The following ARHGAP39 variants were observed in gnomAD, a reference collection of about 807,000 sequenced individuals.
ARHGAP39 encodes Rho GTPase activating protein 39.
Under a neutral mutation model 106.9 loss-of-function variants are expected in ARHGAP39, and 44 were observed. That is an observed-to-expected ratio of 0.41 (90% CI 0.32 to 0.53). The LOEUF (loss-of-function observed/expected upper bound fraction) is 0.53. Ranked by LOEUF, ARHGAP39 falls within the 20% of genes least tolerant of loss-of-function variation. The pLI is 0.21. For synonymous variants in ARHGAP39, 768 were observed against 693.2 expected, an observed-to-expected ratio of 1.11 and a Z score of -1.69; for missense variants, 1,496 against 1,577.3, an observed-to-expected ratio of 0.95 and a Z score of 0.87.
rs143891078 is a variant in ARHGAP39, at chr8:144,535,955, C to T, written c.2615-1753G>A. ...TGAGGCCACACTACTTCACCTGCAA[C>T]TTCACTCTGGGGGTCAGGCTGCCTG... On this transcript the variant is annotated intron_variant, in intron 7 of 11. Coordinates refer to ENST00000377307, the MANE Select transcript of ARHGAP39 (RefSeq NM_025251.3). Among the ~76,000 whole-genome samples the T allele has an allele frequency of 3.3e-5, 5 of 152,354 alleles. No individual in the cohort carries two copies. In the East Asian group the frequency reaches 9.6e-4, roughly 29 times the overall value.
chr8:144,581,132 TG>T lies in ARHGAP39; in HGVS notation c.225del (p.Asn76ThrfsTer34). On this transcript the variant is annotated frameshift_variant, in exon 3 of 12. Transcript: ENST00000377307. LOFTEE classifies it high-confidence loss of function. ...TTGTAGTAGTAGAAGCGGGACGTGT[TG>T]GGGTCGAACAGCTCCCACCACTGGT... ...SENQWWELFD[P>X]NTSRFYYYNA... The T allele has an allele frequency of 6.3e-7, 1 of 1,589,184 alleles. No homozygotes were observed. Among genetic ancestry groups the T allele is most frequent in the Non-Finnish European group, 8.6e-7 (1 of 1,168,846 alleles).
At chr8:144,544,527 G>A (rs1160103288) in intron 6 of ARHGAP39, among the ~76,000 whole-genome samples, 2 of 152,312 alleles carry the variant, frequency 1.3e-5, no homozygotes, top group South Asian at 2.1e-4. Flanking sequence ...TCAGTTCTGT[G>A]GCTGTGCCCT....
rs139346678 is a variant in ARHGAP39, at chr8:144,667,392, C to T, written c.-82+18294G>A. On this transcript the variant is annotated intron_variant, in intron 1 of 11. Transcript: ENST00000377307. ...GACTGAGGCCCACCTGACCCCACCC[C>T]CTTCCCAATCTCCAGGCCCTCCCTC... Among the ~76,000 whole-genome samples the T allele has an allele frequency of 9.3e-4, 141 of 152,336 alleles. No homozygotes were observed. In the Middle Eastern group the frequency reaches 0.027, roughly 29 times the overall value.
chr8:144,533,441 C>G (rs1816815849), intron 8 of ARHGAP39, 116 bp from the exon 9 acceptor site: 3 of 1,036,778 alleles, frequency 2.9e-6, no homozygotes, highest in African/African-American at 1.6e-5. Flanking sequence ...AATTCCTGCC[C>G]CACACACCTG....
intron 6 of ARHGAP39, among the ~76,000 whole-genome samples, chr8:144,544,563 G>A (rs548150450): frequency 6.6e-6 from 1 of 152,366 alleles, no homozygotes; most frequent in South Asian, 2.1e-4. Flanking sequence ...GTGAGGTGGA[G>A]AGCTGCTTGC....
chr8:144,555,127 C>T (rs1265448393), intron 4 of ARHGAP39, among the ~76,000 whole-genome samples: 1 of 152,254 alleles, frequency 6.6e-6, no homozygotes, highest in African/African-American at 2.4e-5. Context: ...GTCTCCAGAA[C>T]CTTCCAGCAG....
chr8:144,602,093 G>A (rs1486884317), intron 2 of ARHGAP39, among the ~76,000 whole-genome samples: 1 of 146,364 alleles, frequency 6.8e-6, no homozygotes, highest in Non-Finnish European at 1.5e-5. Context: ...GTGGAGGCGT[G>A]TGTGCTCGTG....
chr8:144,582,427 G>C (rs1044826231), intron 2 of ARHGAP39, among the ~76,000 whole-genome samples: 1 of 152,216 alleles, frequency 6.6e-6, no homozygotes, highest in East Asian at 1.9e-4. Flanking sequence ...TGGGGAAGCC[G>C]GGCCCTCACA....
At chr8:144,567,007 C>G (rs1270208010) in intron 3 of ARHGAP39, among the ~76,000 whole-genome samples, 1 of 152,050 alleles carries the variant, frequency 6.6e-6, no homozygotes, top group Non-Finnish European at 1.5e-5. Context: ...TTAACCTACA[C>G]CCAGCAAAAG....
In ARHGAP39 at chr8:144,577,034, G is replaced by A. The variant is rs555350730; in HGVS notation, c.512+3812C>T. 4.2e-4 allele frequency among the ~76,000 whole-genome samples: 64 copies of A among 152,234 alleles called. No homozygotes were observed. The South Asian group carries it at 0.013, about 30-fold the overall frequency. On this transcript the variant is annotated intron_variant, in intron 3 of 11. Transcript: ENST00000377307. ...TTTCCACGGAGCTCCACCTGTACAC[G>A]CCACGAATGTCTTTTATTCCTTAAC... is the stretch of plus-strand genomic sequence containing the variant.
intron 1 of ARHGAP39, among the ~76,000 whole-genome samples, chr8:144,639,766 A>T: frequency 6.6e-6 from 1 of 152,240 alleles, no homozygotes; most frequent in Non-Finnish European, 1.5e-5. Flanking sequence ...GCTGACACAA[A>T]CAGGCCTCTC....
At chr8:144,690,279 A>C (rs1032172321), upstream of ARHGAP39, among the ~76,000 whole-genome samples, 3 of 151,538 alleles carry the variant, frequency 2.0e-5, no homozygotes, top group African/African-American at 4.9e-5. Flanking sequence ...TGCCCAGATA[A>C]TTTTTGTATT....
intron 1 of ARHGAP39, among the ~76,000 whole-genome samples, chr8:144,649,091 A>G (rs1029621212): frequency 3.3e-5 from 5 of 152,266 alleles, no homozygotes; most frequent in African/African-American, 1.2e-4. Context: ...TTAATAAGAT[A>G]GATAGGCCAC....
At chr8:144,688,499 C>T (rs1020101574), upstream of ARHGAP39, among the ~76,000 whole-genome samples, 6 of 152,186 alleles carry the variant, frequency 3.9e-5, no homozygotes, top group African/African-American at 1.2e-4. Context: ...GTAATCCCAT[C>T]GTTTTTCCAG....
upstream of ARHGAP39, among the ~76,000 whole-genome samples, chr8:144,690,601 T>G (rs892438473): frequency 3.3e-5 from 5 of 152,142 alleles, no homozygotes; most frequent in African/African-American, 4.8e-5. Flanking sequence ...TTTGCTCTAC[T>G]TATATTTTCT....
chr8:144,632,541 G>A (rs748721839), intron 1 of ARHGAP39, among the ~76,000 whole-genome samples: 11 of 152,280 alleles, frequency 7.2e-5, no homozygotes, highest in Non-Finnish European at 1.6e-4. Flanking sequence ...GCACCACAGG[G>A]CAGAGCCGGG....
At chr8:144,682,757 T>C (rs193225114) in intron 1 of ARHGAP39, among the ~76,000 whole-genome samples, 140 of 152,262 alleles carry the variant, frequency 9.2e-4, no homozygotes, top group African/African-American at 3.0e-3. Context: ...ATGCCTGTAA[T>C]CCCAATACTT....
intron 3 of ARHGAP39, among the ~76,000 whole-genome samples, chr8:144,579,201 C>CAAAAAAAAAAAAAA (rs541332282): frequency 1.0e-4 from 4 of 39,918 alleles, no homozygotes; most frequent in African/African-American, 2.5e-4. Context: ...GACTCTGTCT[C>CAAAAAAAAAAAAAA]AAAAAAAAAA....
rs988644497 is a variant in ARHGAP39 at position 144,547,605 on chromosome 8, C to T, written c.1481G>A (p.Arg494Gln). 3 of 1,482,770 alleles carry T rather than the reference C, an allele frequency of 2.0e-6. No individual in the cohort carries two copies. The highest frequency in any genetic ancestry group is 2.8e-5 in the African/African-American group (2 of 71,808). 91.9% of individuals were successfully genotyped at this position (1,482,770 alleles called of 1,614,324 possible). The change falls in exon 5 of 12, where the codon CGG becomes CAG. Residue 494 changes from arginine (R) to glutamine (Q), a missense_variant. Arg to Gln is a conservative substitution (Grantham distance 43). Around this residue, in one of 4 missense-constraint regions of ARHGAP39, gnomAD observed 905 missense variants for 816.4 expected, o/e 1.11. Transcript: ENST00000377307. The surrounding 1 kb of genome is among the most constrained non-coding windows in gnomAD (Gnocchi z 5.2). ...GCACAAAGAGGGCTTTCTGCTCTTC[C>T]GCTTGCGCGTGCCCGGGGAGTAGCC... ...STGYSPGTRKRKSRKPSLCQA... is the reference protein window; with the variant it reads ...STGYSPGTRKQKSRKPSLCQA...
Sources: allele counts gnomAD v4.1 joint callset (sites outside exome capture counted in the v4.1 genomes callset), GRCh38; gene constraint gnomAD v4.1.1; regional missense constraint gnomAD v4.1.1; non-coding constraint Gnocchi (gnomAD v3.1); transcripts MANE v1.5; gene names NCBI Gene and HGNC (gene_info 2026-07-23, HGNC 2026-07-21).